ABCC1: variants seen among roughly 807,000 people sequenced by gnomAD.
ABCC1 encodes ATP binding cassette subfamily C member 1 (ABCC1 blood group), also known as multidrug resistance-associated protein 1.
Under a neutral mutation model 172.9 loss-of-function variants are expected in ABCC1, and 83 were observed. The observed-to-expected ratio is 0.48, with a 90% CI of 0.40 to 0.58. The LOEUF (loss-of-function observed/expected upper bound fraction) is 0.58, where lower values mean the gene tolerates loss of function less well. Ranked by LOEUF, ABCC1 falls within the 20% of genes least tolerant of loss-of-function variation. ABCC1 has a pLI of 0.00. For missense variants in ABCC1, 1,817 were observed against 2,002.7 expected (o/e 0.91, Z 1.77); for synonymous variants, 937 against 825.2 (o/e 1.14, Z -2.32).
At chr16:16,111,612 A>G (rs2152086292) in intron 22 of ABCC1, 30 bp downstream of exon 22, 1 of 1,589,812 alleles carries the variant, frequency 6.3e-7, no homozygotes, top group Middle Eastern at 2.2e-4. Flanking sequence ...ACCCCGCCTG[A>G]TTTGGGCCCC....
At chr16:16,103,636 A>G (rs2051888351) in intron 20 of ABCC1, among the ~76,000 whole-genome samples, 1 of 152,176 alleles carries the variant, frequency 6.6e-6, no homozygotes, top group Non-Finnish European at 1.5e-5. Flanking sequence ...AAACAACAAC[A>G]AAAATTGACA....
At chr16:16,035,977 A>G (rs577745170) in intron 6 of ABCC1, among the ~76,000 whole-genome samples, 114 of 151,910 alleles carry the variant, frequency 7.5e-4, no homozygotes, top group African/African-American at 2.7e-3. Flanking sequence ...AAAAAAAATT[A>G]GCCAGTCATA....
At chr16:16,068,340 C>T in intron 13 of ABCC1, 38 bp downstream of exon 13, 8 of 1,610,102 alleles carry the variant, frequency 5.0e-6, no homozygotes, top group Non-Finnish European at 6.8e-6. Context: ...GAGAGGGGGC[C>T]TTGGGGTTCT....
At chr16:16,139,876 A>G (rs1193071946) in intron 30 of ABCC1, among the ~76,000 whole-genome samples, 1 of 152,180 alleles carries the variant, frequency 6.6e-6, no homozygotes, top group African/African-American at 2.4e-5. Flanking sequence ...GATCTGGGAC[A>G]GCGATCTGCA....
At chr16:16,096,159 G>A (rs1001591850) in intron 19 of ABCC1, among the ~76,000 whole-genome samples, 1 of 151,886 alleles carries the variant, frequency 6.6e-6, no homozygotes, top group African/African-American at 2.4e-5. Context: ...AATCCGGGGG[G>A]CAGAGCTTGC....
Position 16,071,745 on chromosome 16 carries a change from G to C in ABCC1, c.1912+16G>C. On this transcript the variant is annotated intron_variant, in intron 14 of 30. Transcript: ENST00000399410. ...GTCAAAGACGGTGTGTGTGTGTTCA[G>C]TCCTGGCTTCTGGAAGTGGCCGCCT... The C allele has an allele frequency of 6.2e-7, 1 of 1,609,576 alleles. No homozygotes were observed.
intron 23 of ABCC1, among the ~76,000 whole-genome samples, chr16:16,116,389 T>C (rs2044867708): frequency 6.6e-6 from 1 of 152,200 alleles, no homozygotes; most frequent in South Asian, 2.1e-4. Flanking sequence ...TGCCTTAAAC[T>C]GCAGATAGTA....
intron 27 of ABCC1, 72 bp downstream of exon 27, chr16:16,132,007 A>G: frequency 2.1e-5 from 33 of 1,556,286 alleles, no homozygotes; most frequent in Non-Finnish European, 2.9e-5. Context: ...AGGTGAACCT[A>G]GCTGCAGCGT....
intron 1 of ABCC1, among the ~76,000 whole-genome samples, chr16:15,991,358 C>T (rs1269992987): frequency 6.6e-6 from 1 of 151,956 alleles, no homozygotes; most frequent in Non-Finnish European, 1.5e-5. Context: ...CTTAATTTTC[C>T]GTTGGCAAAA....
At chr16:16,027,453 T>C (rs2048413107) in intron 5 of ABCC1, among the ~76,000 whole-genome samples, 1 of 152,172 alleles carries the variant, frequency 6.6e-6, no homozygotes. Flanking sequence ...AGTGGTGTAT[T>C]GTGAACCCAC....
intron 23 of ABCC1, 29 bp from the exon 24 acceptor site, chr16:16,121,946 C>G: frequency 6.2e-7 from 1 of 1,612,212 alleles, no homozygotes; most frequent in Non-Finnish European, 8.5e-7. Flanking sequence ...GAACCTTCAT[C>G]AACTCCCCGC....
chr16:16,132,342 T>A (rs1404608201), intron 27 of ABCC1, among the ~76,000 whole-genome samples: 3 of 148,048 alleles, frequency 2.0e-5, no homozygotes, highest in African/African-American at 7.5e-5. Context: ...CTGGCTAATT[T>A]TTGTATTTTT....
chr16:16,065,042 G>C (rs2050061153), intron 12 of ABCC1, among the ~76,000 whole-genome samples: 1 of 152,198 alleles, frequency 6.6e-6, no homozygotes, highest in East Asian at 1.9e-4. Flanking sequence ...AGGCCAACCA[G>C]GGAGTAGCAA....
chr16:16,091,404 C>CAAAAAA (rs10648689), intron 19 of ABCC1, among the ~76,000 whole-genome samples: 1 of 108,678 alleles, frequency 9.2e-6, no homozygotes. Flanking sequence ...CCCAACTCTA[C>CAAAAAA]AAAAAAAAAA....
At chr16:16,089,721 A>G (rs2051161289) in intron 18 of ABCC1, among the ~76,000 whole-genome samples, 1 of 151,926 alleles carries the variant, frequency 6.6e-6, no homozygotes, top group Admixed American at 6.6e-5. Context: ...ATACAACAAC[A>G]AAAAAATCAG....
chr16:15,968,381 C>T (rs976098033), intron 1 of ABCC1, among the ~76,000 whole-genome samples: 4 of 151,914 alleles, frequency 2.6e-5, no homozygotes, highest in Admixed American at 6.6e-5. Context: ...TAATTTTCAG[C>T]CTCTCTTCTC....
chr16:16,122,106 C>T lies in ABCC1; in HGVS notation c.3522C>T (p.Phe1174=), dbSNP rs778948565. Residue 1174 remains phenylalanine, a synonymous_variant, in exon 24 of 31, where the codon TTC becomes TTT. Transcript: ENST00000399410. The part of the protein sequence containing the change: ...VIRAFEEQER[F]IHQSDLKVDE... Reference sequence around the variant, plus strand: ...GAGCCTTCGAGGAGCAGGAGCGCTTCATCCACCAGAGTGACCTGAAGGTGG... The same window carrying T: ...GAGCCTTCGAGGAGCAGGAGCGCTTTATCCACCAGAGTGACCTGAAGGTGG... 34 of 1,614,100 alleles carry T rather than the reference C, an allele frequency of 2.1e-5. No homozygotes were observed. The highest frequency in any genetic ancestry group is 2.9e-5 in the Non-Finnish European group (34 of 1,180,050).
intron 9 of ABCC1, among the ~76,000 whole-genome samples, chr16:16,046,251 T>A (rs1221390785): frequency 6.6e-6 from 1 of 152,162 alleles, no homozygotes; most frequent in Non-Finnish European, 1.5e-5. Flanking sequence ...GTAATTGAGT[T>A]TCTTAGATGG....
intron 12 of ABCC1, among the ~76,000 whole-genome samples, chr16:16,058,523 C>G (rs373558485): frequency 9.2e-5 from 14 of 152,200 alleles, no homozygotes; most frequent in African/African-American, 3.4e-4. Context: ...TTTGCGAAAG[C>G]GTGTTCATGC....
Sources: gnomAD v4.1 joint callset for allele counts (sites outside exome capture counted in the v4.1 genomes callset) on GRCh38, gnomAD v4.1.1 for gene constraint, MANE v1.5 for transcripts, NCBI Gene and HGNC (gene_info 2026-07-23, HGNC 2026-07-21) for gene names.